CWF19L2: variants seen among roughly 807,000 people sequenced by gnomAD.
CWF19L2 encodes CWF19 like cell cycle control factor 2.
Under a neutral mutation model 111.7 loss-of-function variants are expected in CWF19L2, and 98 were observed. The observed-to-expected ratio is 0.88, with a 90% confidence interval of 0.75 to 1.04. The LOEUF (loss-of-function observed/expected upper bound fraction) is 1.04. Among genes scored for constraint, CWF19L2 ranks in the 50% least tolerant of loss-of-function variants. The probability of loss-of-function intolerance (pLI) is 0.00; values close to 1 mark genes in which losing one functional copy is unlikely to be tolerated. For missense variants in CWF19L2, 1,101 were observed against 1,051.4 expected, an observed-to-expected ratio of 1.05 and a Z score of -0.65; for synonymous variants, 351 against 342.9, an observed-to-expected ratio of 1.02 and a Z score of -0.26.
At chr11:107,434,651 A>G (rs1259162012) in intron 6 of CWF19L2, among the ~76,000 whole-genome samples, 1 of 149,498 alleles carries the variant, frequency 6.7e-6, no homozygotes. Context: ...TTCCTAAAAT[A>G]TACTATTTAA....
chr11:107,337,002 A>C (rs1230590352), intron 14 of CWF19L2, among the ~76,000 whole-genome samples: 1 of 152,220 alleles, frequency 6.6e-6, no homozygotes, highest in Non-Finnish European at 1.5e-5. Context: ...AAGTGATAAA[A>C]ATCAAATTTA....
chr11:107,403,525 C>T, intron 10 of CWF19L2: 1 of 816,320 alleles, frequency 1.2e-6, no homozygotes, highest in Non-Finnish European at 2.2e-6. Context: ...CCCCCTCCTG[C>T]CCATTCTCCT....
intron 12 of CWF19L2, among the ~76,000 whole-genome samples, chr11:107,356,834 T>C (rs1429768767): frequency 6.6e-6 from 1 of 152,020 alleles, no homozygotes; most frequent in African/African-American, 2.4e-5. Context: ...GGTTGGGAGT[T>C]TGAGACCAAC....
In CWF19L2 at chr11:107,403,545, T is replaced by C. The variant is rs1470521839; in HGVS notation, c.1618-10650A>G. The C allele has an allele frequency of 1.2e-5, 10 of 801,452 alleles. No individual in the cohort carries two copies. The East Asian group carries it at 2.0e-4, about 16-fold the overall frequency. The allele number at this position is 801,452 out of a possible 1,614,324, so 49.6% of individuals were successfully genotyped here. On this transcript the variant is annotated intron_variant, in intron 10 of 17. Transcript: ENST00000282251. ...TCCTGCCCATTCTCCTTGTCCTCAG[T>C]AGTAGACGTGCCTTCTTCACCATTC...
chr11:107,371,247 C>A lies in CWF19L2; in HGVS notation c.1873-17511G>T, dbSNP rs189879607. Among the ~76,000 whole-genome samples the A allele has an allele frequency of 7.3e-3, 1,004 of 137,020 alleles. 170 individuals are homozygous for A. Among genetic ancestry groups the A allele is most frequent in the Middle Eastern group, 0.011 (3 of 272 alleles). The allele number at this position is 137,020 out of a possible 152,430, so 89.9% of individuals were successfully genotyped here. ...ATCGACCTCCTGACCTCGTGATCTG[C>A]CCGCCTCGGCCTCCCAAAGTGCTGG... On this transcript the variant is annotated intron_variant, in intron 12 of 17. Coordinates refer to ENST00000282251, the MANE Select transcript of CWF19L2 (RefSeq NM_152434.3).
intron 5 of CWF19L2, among the ~76,000 whole-genome samples, chr11:107,439,748 A>T (rs1378764789): frequency 6.6e-6 from 1 of 152,228 alleles, no homozygotes; most frequent in African/African-American, 2.4e-5. Context: ...TAATTGGCTA[A>T]AACTGTGAGT....
At chr11:107,442,463 C>T (rs1029822478) in intron 4 of CWF19L2, among the ~76,000 whole-genome samples, 12 of 151,748 alleles carry the variant, frequency 7.9e-5, no homozygotes, top group Non-Finnish European at 1.8e-4. Context: ...GGAAGGATTG[C>T]TCAAGCTCAG....
Position 107,362,293 on chromosome 11 carries a change from C to T in CWF19L2, c.1873-8557G>A, listed in dbSNP as rs1458399788. Among the ~76,000 whole-genome samples, 367 of 152,040 alleles carry T rather than the reference C, an allele frequency of 2.4e-3. 5 individuals are homozygous for T. The highest frequency in any genetic ancestry group is 1.3e-3 in the Non-Finnish European group (87 of 67,980). On this transcript the variant is annotated intron_variant, in intron 12 of 17. Coordinates refer to ENST00000282251, the MANE Select transcript of CWF19L2 (RefSeq NM_152434.3). Reference sequence around the variant, plus strand: ...GGCTTGCTTAGGTAAACAAAGCAGCCAGGAAGCTCGAACTGGGTGGAGCCC... The same window carrying T: ...GGCTTGCTTAGGTAAACAAAGCAGCTAGGAAGCTCGAACTGGGTGGAGCCC...
intron 2 of CWF19L2, among the ~76,000 whole-genome samples, chr11:107,454,924 C>T (rs1171116491): frequency 6.6e-6 from 1 of 152,062 alleles, no homozygotes; most frequent in Non-Finnish European, 1.5e-5. Flanking sequence ...TATAATATCC[C>T]TCTATGGTCT....
At chr11:107,327,261 G>A (rs928762640) in intron 17 of CWF19L2, among the ~76,000 whole-genome samples, 11 of 152,078 alleles carry the variant, frequency 7.2e-5, no homozygotes, top group African/African-American at 2.4e-4. Context: ...CAAGTTAGCT[G>A]CATCTCCTAT....
At chr11:107,400,394 C>T (rs1465339620) in intron 10 of CWF19L2, among the ~76,000 whole-genome samples, 3 of 151,940 alleles carry the variant, frequency 2.0e-5, no homozygotes, top group Admixed American at 6.6e-5. Flanking sequence ...TTACAATTAA[C>T]ACCACTGAAA....
chr11:107,392,919 T>G, intron 10 of CWF19L2, 24 bp from the exon 11 acceptor site: 1 of 1,299,564 alleles, frequency 7.7e-7, no homozygotes, highest in Non-Finnish European at 1.1e-6. Flanking sequence ...TAGAGATAAC[T>G]ATTGAAATTA....
chr11:107,436,174 AAAAC>A (rs1861539493), intron 6 of CWF19L2, among the ~76,000 whole-genome samples: 1 of 151,902 alleles, frequency 6.6e-6, no homozygotes, highest in South Asian at 2.1e-4. Flanking sequence ...AAAAAAAAAA[AAAAC>A]AAACCCATGA....
chr11:107,383,163 C>T (rs1248523457), intron 12 of CWF19L2, among the ~76,000 whole-genome samples: 1 of 152,140 alleles, frequency 6.6e-6, no homozygotes, highest in Non-Finnish European at 1.5e-5. Flanking sequence ...TAATCGTACC[C>T]GAAGTGGGGG....
intron 12 of CWF19L2, among the ~76,000 whole-genome samples, chr11:107,385,110 TA>T (rs1860745863): frequency 6.6e-6 from 1 of 152,110 alleles, no homozygotes; most frequent in Admixed American, 6.5e-5. Context: ...AGGCTTTTAG[TA>T]ACGCCTCAAA....
chr11:107,332,963 C>T (rs1565241185), intron 16 of CWF19L2, among the ~76,000 whole-genome samples: 1 of 151,882 alleles, frequency 6.6e-6, no homozygotes, highest in Non-Finnish European at 1.5e-5. Context: ...CCACAAAATA[C>T]AGAAATTAGC....
Position 107,329,932 on chromosome 11 carries a change from G to T in CWF19L2, c.2527C>A (p.His843Asn). 1 of 1,579,190 alleles carries T rather than the reference G, an allele frequency of 6.3e-7. No individual in the cohort carries two copies. Among genetic ancestry groups the T allele is most frequent in the Non-Finnish European group, 8.6e-7 (1 of 1,164,306 alleles). The change falls in exon 17 of 18, where the codon CAT becomes AAT. Residue 843 changes from histidine (H) to asparagine (N), a missense_variant. Transcript: ENST00000282251. ...TGTAAGCCTACCTTTCCAAAGTAAT[G>T]AGGGAATTTGTGCTGATCTTCAATG... Reference protein sequence around the residue: ...HVIEDQHKFPHYFGKEIIGGM... With the variant: ...HVIEDQHKFPNYFGKEIIGGM...
At chr11:107,339,838 T>C in intron 14 of CWF19L2, among the ~76,000 whole-genome samples, 1 of 151,990 alleles carries the variant, frequency 6.6e-6, no homozygotes, top group East Asian at 1.9e-4. Context: ...TGGCTAATTT[T>C]TGTATTTTTA....
intron 10 of CWF19L2, among the ~76,000 whole-genome samples, chr11:107,406,498 T>C (rs1861080046): frequency 6.6e-6 from 1 of 152,222 alleles, no homozygotes; most frequent in Admixed American, 6.5e-5. Context: ...GAGATGTATG[T>C]CCTAGCCCAA....
Sources: gnomAD v4.1 joint callset for allele counts (sites outside exome capture counted in the v4.1 genomes callset) on GRCh38, gnomAD v4.1.1 for gene constraint, MANE v1.5 for transcripts, NCBI Gene and HGNC (gene_info 2026-07-23, HGNC 2026-07-21) for gene names.